Variants in SLC6A12 observed in about 807,000 individuals in gnomAD.
The protein encoded by SLC6A12 is sodium- and chloride-dependent betaine transporter.
Under a neutral mutation model 73.3 loss-of-function variants are expected in SLC6A12, and 50 were observed. The observed-to-expected ratio is 0.68, with a 90% confidence interval of 0.54 to 0.86. The LOEUF (loss-of-function observed/expected upper bound fraction) is 0.86. Ranked by LOEUF, SLC6A12 falls within the 40% of genes least tolerant of loss-of-function variation. SLC6A12 has a pLI of 0.00. For synonymous variants in SLC6A12, 304 were observed against 309.2 expected, an observed-to-expected ratio of 0.98 and a Z score of 0.18; for missense variants, 648 against 772.8, an observed-to-expected ratio of 0.84 and a Z score of 1.92.
At chr12:189,043 G>A (rs903373040), downstream of SLC6A12, among the ~76,000 whole-genome samples, 1 of 152,256 alleles carries the variant, frequency 6.6e-6, no homozygotes, top group Non-Finnish European at 1.5e-5. Context: ...CAGGGCGAAG[G>A]AATCTGAAAG....
downstream of SLC6A12, among the ~76,000 whole-genome samples, chr12:188,723 G>GCA (rs141079321): frequency 7.3e-5 from 11 of 151,616 alleles, no homozygotes; most frequent in East Asian, 3.9e-4. Flanking sequence ...GCACACACAG[G>GCA]CACACACACA....
intron 1 of SLC6A12, among the ~76,000 whole-genome samples, chr12:212,998 A>G (rs949934626): frequency 2.0e-5 from 3 of 152,188 alleles, no homozygotes. Context: ...GCAAATCTTC[A>G]AGAGACTAGA....
chr12:184,310 C>T, the SLC6A12 span, among the ~76,000 whole-genome samples: 2 of 152,222 alleles, frequency 1.3e-5, no homozygotes, highest in African/African-American at 4.8e-5. Flanking sequence ...ACTTCATAGC[C>T]CAGTAAATGA....
chr12:204,605 C>A lies in SLC6A12; in HGVS notation c.308G>T (p.Gly103Val). The change falls in exon 4 of 16, where the codon GGG becomes GTG. Residue 103 changes from glycine to valine, a missense_variant. Coordinates refer to ENST00000684302, the MANE Select transcript of SLC6A12 (RefSeq NM_001122848.3). ...EVALGQYTSQ[G>V]SVTAWRKICP... ...GATCTTCCTCCAGGCTGTGACACTC[C>A]CTTGGCTGGTGTATTGGCCCAACGC... 1 of 1,614,174 alleles carries A rather than the reference C, an allele frequency of 6.2e-7. No individual in the cohort carries two copies. The highest frequency in any genetic ancestry group is 8.5e-7 in the Non-Finnish European group (1 of 1,180,018).
rs935216665 is a variant in SLC6A12 at position 198,467 on chromosome 12, G to A, written c.846+330C>T. 6.6e-6 allele frequency among the ~76,000 whole-genome samples: 1 copy of A among 152,218 alleles called. No homozygotes were observed. The highest frequency in any genetic ancestry group is 2.4e-5 in the African/African-American group (1 of 41,458). On this transcript the variant is annotated intron_variant, in intron 8 of 15. Coordinates refer to ENST00000684302, the MANE Select transcript of SLC6A12 (RefSeq NM_001122848.3). This position sits in a 1 kb window ranked among gnomAD's most constrained non-coding sequence, Gnocchi z 4.0. The stretch of plus-strand genomic sequence containing the variant: ...CAGTCCCAGCTGCTCAGGAGGCTGA[G>A]GCGAGAGAATGCCTTGAGCCCAAGA...
intron 1 of SLC6A12, among the ~76,000 whole-genome samples, chr12:212,838 C>T (rs1293517816): frequency 6.6e-6 from 1 of 152,188 alleles, no homozygotes. Flanking sequence ...GGCCGCCTCT[C>T]CAGCCCCTCG....
In SLC6A12 at chr12:195,208, C is replaced by T; in HGVS notation, c.1429+17G>A. 6.6e-7 allele frequency: 1 copy of T among 1,524,290 alleles called. No homozygotes were observed. Among genetic ancestry groups the T allele is most frequent in the Non-Finnish European group, 9.1e-7 (1 of 1,098,620 alleles). 94.4% of individuals were successfully genotyped at this position (1,524,290 alleles called of 1,614,324 possible). A position where few individuals can be genotyped will look rare whatever the true frequency, so the allele number is the denominator to read the frequency against. On this transcript the variant is annotated intron_variant, in intron 13 of 15. Transcript: ENST00000684302. ...TTTCTCCCACCCTGCTTTCCCACCC[C>T]ACTCCACCCCACTCACCATACACCC...
chr12:197,872 AC>A, intron 9 of SLC6A12, 27 bp downstream of exon 9: 1 of 1,365,470 alleles, frequency 7.3e-7, no homozygotes, highest in Non-Finnish European at 1.0e-6. Flanking sequence ...ACCCTCCTTC[AC>A]CCCACCCCGG....
chr12:210,526 C>A (rs970304295), intron 2 of SLC6A12: 2 of 378,268 alleles, frequency 5.3e-6, no homozygotes, highest in Non-Finnish European at 7.4e-6. Flanking sequence ...CTAAGGTGAT[C>A]GATCAGCTCA....
At chr12:202,981 T>TCTTTGTGTAGC in intron 4 of SLC6A12, 101 bp from the exon 5 acceptor site, 8 of 957,032 alleles carry the variant, frequency 8.4e-6, no homozygotes, top group Non-Finnish European at 1.1e-5. Flanking sequence ...TATTGGGTGC[T>TCTTTGTGTAGC]ACACAAAGAG....
chr12:187,481 C>T (rs1280425589), downstream of SLC6A12, among the ~76,000 whole-genome samples: 1 of 151,450 alleles, frequency 6.6e-6, no homozygotes, highest in Non-Finnish European at 1.5e-5. Flanking sequence ...GTTCAGTGGT[C>T]TCGCTGGTTT....
chr12:193,388 A>G lies in SLC6A12; in HGVS notation c.1430-11T>C, dbSNP rs1399638503. ...AGAAACGGTCCGCCCCTGAGCAGGC[A>G]TGGCGTGGGAGAGTGTGAGAGCCAG... On this transcript the variant is annotated splice_polypyrimidine_tract_variant and intron_variant, in intron 13 of 15. Transcript: ENST00000684302. 8 of 1,605,116 alleles carry G rather than the reference A, an allele frequency of 5.0e-6. No homozygotes were observed. The highest frequency in any genetic ancestry group is 6.8e-6 in the Non-Finnish European group (8 of 1,172,360).
downstream of SLC6A12, among the ~76,000 whole-genome samples, chr12:187,258 C>T (rs141879156): frequency 6.6e-6 from 1 of 152,266 alleles, no homozygotes; most frequent in East Asian, 1.9e-4. Context: ...TCACTGACTT[C>T]AAGCATGAAG....
At chr12:203,630 G>T (rs1940435775) in intron 4 of SLC6A12, 1 of 152,182 alleles carries the variant, frequency 6.6e-6, no homozygotes. Flanking sequence ...CGGCCCCTGT[G>T]CCGCGGCGGA....
chr12:210,426 C>T, intron 2 of SLC6A12: 1 of 1,062,758 alleles, frequency 9.4e-7, no homozygotes, highest in Non-Finnish European at 1.1e-6. Flanking sequence ...GCCTCCAGGT[C>T]AGAAGGGATC....
chr12:192,392 C>G, intron 15 of SLC6A12, 86 bp downstream of exon 15: 1 of 1,219,528 alleles, frequency 8.2e-7, no homozygotes, highest in South Asian at 1.3e-5. Context: ...TGTGTCTGCT[C>G]CCTGGCCCCA....
Position 209,918 on chromosome 12 carries a change from C to T in SLC6A12, c.69G>A (p.Glu23=). Residue 23 remains glutamate (E), a synonymous_variant, in exon 3 of 16, where the codon GAG becomes GAA. Coordinates refer to ENST00000684302, the MANE Select transcript of SLC6A12 (RefSeq NM_001122848.3). ...PAVSWVPEEG[E]KLDQEDEDQV... is the part of the protein sequence containing the mutation. ...GGTCCTCGTCTTCCTGGTCCAACTT[C>T]TCTCCCTCCTCGGGGACCCAGGAGA... is the stretch of plus-strand genomic sequence containing the variant. 1 of 1,614,232 alleles carries T rather than the reference C, an allele frequency of 6.2e-7. No individual in the cohort carries two copies. The highest frequency in any genetic ancestry group is 2.2e-5 in the East Asian group (1 of 44,870).
At chr12:188,443 C>A (rs1325244002), downstream of SLC6A12, among the ~76,000 whole-genome samples, 1 of 151,768 alleles carries the variant, frequency 6.6e-6, no homozygotes, top group Non-Finnish European at 1.5e-5. Flanking sequence ...CCCCGCTTCC[C>A]GCCAGCGCCT....
At chr12:187,589 CAAAAAAAAAAAAAA>C (rs761187495), downstream of SLC6A12, among the ~76,000 whole-genome samples, 24 of 106,042 alleles carry the variant, frequency 2.3e-4, no homozygotes, top group African/African-American at 1.0e-3. Context: ...TGCAAAAGAG[CAAAAAAAAAAAAAA>C]AAAAAAAAAA....
Sources: allele counts gnomAD v4.1 joint callset (sites outside exome capture counted in the v4.1 genomes callset), GRCh38; gene constraint gnomAD v4.1.1; non-coding constraint Gnocchi (gnomAD v3.1); transcripts MANE v1.5; gene names NCBI Gene and HGNC (gene_info 2026-07-23, HGNC 2026-07-21).